FTCD: variants seen among roughly 807,000 people sequenced by gnomAD.
The protein encoded by FTCD is formimidoyltransferase cyclodeaminase.
Under a neutral mutation model 62.9 loss-of-function variants are expected in FTCD, and 76 were observed. The observed-to-expected ratio is 1.21, with a 90% CI of 1.00 to 1.46. The LOEUF (loss-of-function observed/expected upper bound fraction) is 1.46, where lower values mean the gene tolerates loss of function less well. Ranked by LOEUF, FTCD falls within the 40% of genes most tolerant of loss-of-function variation. The pLI, the probability that FTCD is intolerant of heterozygous loss-of-function variation, is 0.00. For synonymous variants in FTCD, 397 were observed against 336.9 expected, an observed-to-expected ratio of 1.18 and a Z score of -1.95; for missense variants, 845 against 751.3, an observed-to-expected ratio of 1.12 and a Z score of -1.46.
intron 12 of FTCD, 132 bp downstream of exon 12, chr21:46,138,376 G>T: frequency 1.2e-6 from 1 of 843,466 alleles, no homozygotes; most frequent in Non-Finnish European, 1.9e-6. Context: ...CCAAAGCCCC[G>T]GGAACTGCCC....
Position 46,155,524 on chromosome 21 carries a change from G to C in FTCD, c.-1C>G. 1 of 1,612,524 alleles carries C rather than the reference G, an allele frequency of 6.2e-7. No homozygotes were observed. Among genetic ancestry groups the C allele is most frequent in the Non-Finnish European group, 8.5e-7 (1 of 1,179,576 alleles). ...GGACGCATTCCACCAGCTGGGACAT[G>C]GCCAGCACCTTGATCCAGATGCTCC... On this transcript the variant is annotated 5_prime_UTR_variant, in exon 1 of 14. Transcript: ENST00000397746.
At chr21:46,142,714 C>G (rs891314015) in intron 10 of FTCD, 7 of 152,266 alleles carry the variant, frequency 4.6e-5, no homozygotes, top group African/African-American at 7.2e-5. Context: ...TTGGCGCTTG[C>G]TGGTTTCGGT....
At chr21:46,143,755 G>C (rs2079068173) in intron 10 of FTCD, among the ~76,000 whole-genome samples, 2 of 152,188 alleles carry the variant, frequency 1.3e-5, no homozygotes. Context: ...GTCTATGGTA[G>C]TGTCAGTGCC....
chr21:46,136,701 C>T, downstream of FTCD: 1 of 1,470,724 alleles, frequency 6.8e-7, no homozygotes. Flanking sequence ...GGCCACTGAC[C>T]ATATGTCCTG....
intron 7 of FTCD, chr21:46,146,891 A>C: frequency 6.5e-6 from 1 of 153,326 alleles, no homozygotes; most frequent in Non-Finnish European, 1.5e-5. Flanking sequence ...ACCCCACCCC[A>C]CAGAGACGGA....
In FTCD at chr21:46,153,048, G is replaced by A. The variant is rs185291133; in HGVS notation, c.239-13C>T. The A allele has an allele frequency of 1.1e-3, 1,738 of 1,544,494 alleles. 18 individuals carry two copies. In the African/African-American group the frequency reaches 0.02, roughly 17 times the overall value. On this transcript the variant is annotated splice_polypyrimidine_tract_variant and intron_variant, in intron 2 of 13. Coordinates refer to ENST00000397746, the MANE Select transcript of FTCD (RefSeq NM_206965.2). ...CGGGGGTGCTCTCCTGCAGAGAGAC[G>A]GCGAGGCCGGGCAGGAGGCCAGGTG...
At chr21:46,147,942 C>CA (rs3057182) in intron 7 of FTCD, among the ~76,000 whole-genome samples, 1,414 of 96,032 alleles carry the variant, frequency 0.015, 8 homozygotes, top group East Asian at 0.024. Context: ...GGCTCCATCT[C>CA]AAAAAAAAAA....
chr21:46,141,759 A>T (rs890086341), intron 10 of FTCD, among the ~76,000 whole-genome samples: 3 of 152,228 alleles, frequency 2.0e-5, no homozygotes, highest in South Asian at 2.1e-4. Context: ...CCCAAGAGAA[A>T]CTAAGATAAA....
In FTCD at chr21:46,151,686, TG is replaced by T; in HGVS notation, c.507del (p.Ser170ValfsTer47). On this transcript the variant is annotated frameshift_variant, in exon 5 of 14. Coordinates refer to ENST00000397746, the MANE Select transcript of FTCD (RefSeq NM_206965.2). LOFTEE classifies it high-confidence loss of function. ...APDFGPSSFV[P>X]SWGATATGAR... is the part of the protein sequence containing the mutation. ...GCCCCCGTGGCCGTGGCCCCCCAAC[TG>T]GGGACAAAGGAGCTGGGACCAAAGT... is the stretch of plus-strand genomic sequence containing the variant. 6.2e-7 allele frequency: 1 copy of T among 1,612,990 alleles called. No homozygotes were observed. Among genetic ancestry groups the T allele is most frequent in the Non-Finnish European group, 8.5e-7 (1 of 1,179,974 alleles).
intron 11 of FTCD, 87 bp from the exon 12 acceptor site, chr21:46,138,733 T>C: frequency 6.7e-7 from 1 of 1,502,126 alleles, no homozygotes. Flanking sequence ...CTGAGCAGGC[T>C]GCAGAAGCGG....
intron 10 of FTCD, among the ~76,000 whole-genome samples, chr21:46,141,831 G>A (rs1392969500): frequency 1.3e-5 from 2 of 152,240 alleles, no homozygotes; most frequent in African/African-American, 2.4e-5. Context: ...ACTGCTAAAT[G>A]TACGGAACAT....
downstream of FTCD, chr21:46,136,418 T>C (rs374161252): frequency 1.4e-5 from 23 of 1,611,508 alleles, no homozygotes; most frequent in Admixed American, 3.3e-5. Context: ...TGTGGAACTG[T>C]CCAGACCTGC....
chr21:46,146,265 C>G lies in FTCD; in HGVS notation c.968+1G>C. ...AAGAGGGCGGGAGGGCAGAGGCTCA[C>G]TCGATGATCCGCTCCTTAGGGCTGA... On this transcript the variant is annotated splice_donor_variant, in intron 8 of 13. Transcript: ENST00000397746. LOFTEE classifies it high-confidence loss of function. 6.3e-7 allele frequency: 1 copy of G among 1,597,158 alleles called. No homozygotes were observed. Among genetic ancestry groups the G allele is most frequent in the Non-Finnish European group, 8.5e-7 (1 of 1,169,638 alleles).
chr21:46,140,678 G>A (rs1347197584), intron 10 of FTCD, among the ~76,000 whole-genome samples: 1 of 139,310 alleles, frequency 7.2e-6, no homozygotes, highest in African/African-American at 2.8e-5. Context: ...CCACCTTCAC[G>A]TGGCTCACAG....
intron 7 of FTCD, chr21:46,146,609 C>T (rs1262817128): frequency 7.2e-6 from 4 of 555,240 alleles, no homozygotes; most frequent in Non-Finnish European, 1.3e-5. Context: ...GAGTTGCCCC[C>T]TGGGGACCCC....
intron 10 of FTCD, among the ~76,000 whole-genome samples, chr21:46,140,085 G>A (rs2078961308): frequency 1.3e-5 from 2 of 152,212 alleles, no homozygotes; most frequent in South Asian, 2.1e-4. Flanking sequence ...TTGGTGCAAG[G>A]TACAGATATC....
At chr21:46,145,647 A>AT (rs2079123275) in intron 9 of FTCD, 69 bp from the exon 10 acceptor site, 1 of 1,212,272 alleles carries the variant, frequency 8.2e-7, no homozygotes, top group African/African-American at 1.9e-5. Flanking sequence ...AGGAAGAGCC[A>AT]GGGGCCCGGG....
At chr21:46,152,076 C>A in intron 3 of FTCD, 96 bp from the exon 4 acceptor site, 1 of 834,418 alleles carries the variant, frequency 1.2e-6, no homozygotes, top group South Asian at 1.6e-5. Flanking sequence ...CAGCCTAACC[C>A]AGGAATGGGC....
rs774750995 is a variant in FTCD at position 46,150,482 on chromosome 21, T to C, written c.680A>G (p.Asp227Gly). The C allele has an allele frequency of 6.2e-7, 1 of 1,613,208 alleles. No homozygotes were observed. The highest frequency in any genetic ancestry group is 8.5e-7 in the Non-Finnish European group (1 of 1,179,844). ...GGACACCTGAGCCAGGTTCTTCTCATCCAGGTACCAGCCAATGCCCTGAAC... is the reference window on the plus strand; with the variant it reads ...GGACACCTGAGCCAGGTTCTTCTCACCCAGGTACCAGCCAATGCCCTGAAC... ...KKVQGIGWYL[D>G]EKNLAQVSTN... Residue 227 changes from aspartate (D) to glycine (G), a missense_variant, in exon 6 of 14, where the codon GAT becomes GGT. By Grantham distance (94) the Asp-to-Gly change is moderately conservative. Transcript: ENST00000397746.
Sources: gnomAD v4.1 joint callset for allele counts (sites outside exome capture counted in the v4.1 genomes callset) on GRCh38, gnomAD v4.1.1 for gene constraint, MANE v1.5 for transcripts, NCBI Gene and HGNC (gene_info 2026-07-23, HGNC 2026-07-21) for gene names.